The following PLG variants were observed in gnomAD, a reference collection of about 807,000 sequenced individuals.
PLG encodes plasminogen.
Under a neutral mutation model 104.4 loss-of-function variants are expected in PLG, and 41 were observed. That is an observed-to-expected ratio of 0.39 (90% CI 0.31 to 0.51). The LOEUF is 0.51. Among genes scored for constraint, PLG ranks in the 20% least tolerant of loss-of-function variants. The probability of loss-of-function intolerance (pLI) is 0.76; values close to 1 mark genes in which losing one functional copy is unlikely to be tolerated. For synonymous variants in PLG, 337 were observed against 357.1 expected (o/e 0.94, Z 0.63); for missense variants, 891 against 1,003.6 (o/e 0.89, Z 1.52).
rs1778123876 is a variant in PLG, at chr6:160,738,349, C to T, written c.1803-189C>T. ...ATCGGAAAAATTGGCATAGATGGGC[C>T]CTTCTCAAAAATCCCACTCCTGGAG... On this transcript the variant is annotated intron_variant, in intron 14 of 18. Coordinates refer to ENST00000308192, the MANE Select transcript of PLG (RefSeq NM_000301.5). This position sits in a 1 kb window ranked among gnomAD's most constrained non-coding sequence, Gnocchi z 6.8. 4.9e-6 allele frequency: 3 copies of T among 610,160 alleles called. No homozygotes were observed. In the African/African-American group the frequency reaches 5.4e-5, roughly 11 times the overall value. The allele number at this position is 610,160 out of a possible 1,614,324, so 37.8% of individuals were successfully genotyped here. A position where few individuals can be genotyped will look rare whatever the true frequency, so the allele number is the denominator to read the frequency against.
At chr6:160,746,850 G>A (rs1778285481) in intron 17 of PLG, among the ~76,000 whole-genome samples, 1 of 152,234 alleles carries the variant, frequency 6.6e-6, no homozygotes, top group Admixed American at 6.5e-5. Context: ...AGTGTGGTAT[G>A]TTAGCAAGGT....
rs1253652977 is a variant in PLG at position 160,736,282 on chromosome 6, C to T, written c.1682-605C>T. On this transcript the variant is annotated intron_variant, in intron 13 of 18. Coordinates refer to ENST00000308192, the MANE Select transcript of PLG (RefSeq NM_000301.5). This position sits in a 1 kb window ranked among gnomAD's most constrained non-coding sequence, Gnocchi z 5.2. ...CATATGTTTAAGTCACCCCCACGGCCGTTGGTTAGTCATGGGAGGCTCCCC... is the reference window on the plus strand; with the variant it reads ...CATATGTTTAAGTCACCCCCACGGCTGTTGGTTAGTCATGGGAGGCTCCCC... Among the ~76,000 whole-genome samples the T allele has an allele frequency of 6.6e-6, 1 of 152,118 alleles. No homozygotes were observed. The highest frequency in any genetic ancestry group is 2.4e-5 in the African/African-American group (1 of 41,412).
At position 160,732,788 on chromosome 6, in the gene PLG, G is replaced by A. The variant is rs918820003; in HGVS notation, c.1587+895G>A. The stretch of plus-strand genomic sequence containing the variant: ...GCACGGGGCAAGGCATGTGAGAAGG[G>A]GCTCAGAGTTTCCATGCCCTCTCCA... On this transcript the variant is annotated intron_variant, in intron 12 of 18. Transcript: ENST00000308192. This position sits in a 1 kb window ranked among gnomAD's most constrained non-coding sequence, Gnocchi z 4.5. Among the ~76,000 whole-genome samples, 1 of 152,116 alleles carries A rather than the reference G, an allele frequency of 6.6e-6. No homozygotes were observed.
intron 17 of PLG, among the ~76,000 whole-genome samples, chr6:160,749,035 A>G (rs767126931): frequency 1.3e-5 from 2 of 152,214 alleles, no homozygotes; most frequent in Non-Finnish European, 2.9e-5. Flanking sequence ...ATTATAGGAT[A>G]TAGTGTGATA....
chr6:160,711,091 T>C lies in PLG; in HGVS notation c.307T>C (p.Cys103Arg). The C allele has an allele frequency of 6.2e-7, 1 of 1,612,970 alleles. No homozygotes were observed. The highest frequency in any genetic ancestry group is 8.5e-7 in the Non-Finnish European group (1 of 1,179,004). ...CTTCCCTTCAGTGTATCTCTCAGAGTGCAAGACTGGGAATGGAAAGAACTA... is the reference window on the plus strand; with the variant it reads ...CTTCCCTTCAGTGTATCTCTCAGAGCGCAAGACTGGGAATGGAAAGAACTA... Reference protein sequence around the residue: ...LFEKKVYLSECKTGNGKNYRG... With the variant: ...LFEKKVYLSERKTGNGKNYRG... Residue 103 changes from cysteine to arginine, a missense_variant, in exon 4 of 19, where the codon TGC (cysteine) becomes CGC (arginine). Physicochemically the swap from Cys to Arg is radical, Grantham distance 180. Around this residue, in one of 2 missense-constraint regions of PLG, gnomAD observed 854 missense variants for 932.1 expected, o/e 0.92. Coordinates refer to ENST00000308192, the MANE Select transcript of PLG (RefSeq NM_000301.5).
At chr6:160,742,549 G>A (rs1326308513) in intron 17 of PLG, among the ~76,000 whole-genome samples, 1 of 151,558 alleles carries the variant, frequency 6.6e-6, no homozygotes, top group Admixed American at 6.6e-5. Context: ...CTGGATATTA[G>A]ACCTTTTTCA....
At position 160,740,514 on chromosome 6, in the gene PLG, T is replaced by G. The variant is rs1187692254; in HGVS notation, c.2019-797T>G. 6.6e-6 allele frequency among the ~76,000 whole-genome samples: 1 copy of G among 152,128 alleles called. No homozygotes were observed. On this transcript the variant is annotated intron_variant, in intron 16 of 18. Coordinates refer to ENST00000308192, the MANE Select transcript of PLG (RefSeq NM_000301.5). This position sits in a 1 kb window ranked among gnomAD's most constrained non-coding sequence, Gnocchi z 5.2. ...GCATTTAGTGCTCCACCAGGGAACC[T>G]GTAGAGTGAGGACGTCTGCATGACA...
intron 1 of PLG, among the ~76,000 whole-genome samples, chr6:160,702,667 C>T (rs1777440776): frequency 6.6e-6 from 1 of 152,248 alleles, no homozygotes; most frequent in Non-Finnish European, 1.5e-5. Flanking sequence ...CGGCTAAGCT[C>T]TTTGCCTGGT....
chr6:160,727,155 C>T (rs1428226304), intron 10 of PLG, among the ~76,000 whole-genome samples: 9 of 151,572 alleles, frequency 5.9e-5, no homozygotes, highest in Middle Eastern at 3.4e-3. Flanking sequence ...AGCAACTTTA[C>T]GTTAACAAAT....
chr6:160,747,672 G>A (rs573787871), intron 17 of PLG, among the ~76,000 whole-genome samples: 1 of 152,140 alleles, frequency 6.6e-6, no homozygotes, highest in Admixed American at 6.5e-5. Context: ...GAATGGTCTA[G>A]ATGATTTCAA....
Position 160,741,302 on chromosome 6 carries a change from T to C in PLG, c.2019-9T>C. The C allele has an allele frequency of 6.5e-7, 1 of 1,549,574 alleles. No homozygotes were observed. Among genetic ancestry groups the C allele is most frequent in the Non-Finnish European group, 8.9e-7 (1 of 1,121,238 alleles). On this transcript the variant is annotated splice_polypyrimidine_tract_variant and intron_variant, in intron 16 of 18. Transcript: ENST00000308192. This position sits in a 1 kb window ranked among gnomAD's most constrained non-coding sequence, Gnocchi z 4.7. ...CAGTCAAACATAACTGCTGATGCTT[T>C]TCTTTCAGTCCTGCCGTCATCACTG... is the stretch of plus-strand genomic sequence containing the variant.
intron 17 of PLG, among the ~76,000 whole-genome samples, chr6:160,747,519 A>G (rs1778296991): frequency 6.6e-6 from 1 of 152,090 alleles, no homozygotes; most frequent in Non-Finnish European, 1.5e-5. Context: ...TAGGCACGTT[A>G]CCTCTTTGTA....
Position 160,719,265 on chromosome 6 carries a change from T to C in PLG, c.1096+427T>C, listed in dbSNP as rs143556831. Among the ~76,000 whole-genome samples the C allele has an allele frequency of 6.7e-3, 1,016 of 152,352 alleles. 17 individuals are homozygous for C. The highest frequency in any genetic ancestry group is 0.045 in the South Asian group (217 of 4,830). On this transcript the variant is annotated intron_variant, in intron 9 of 18. Coordinates refer to ENST00000308192, the MANE Select transcript of PLG (RefSeq NM_000301.5). The surrounding 1 kb of genome is among the most constrained non-coding windows in gnomAD (Gnocchi z 4.1). ...TTTGTATATTTTGAAGCTCTTTTGT[T>C]AGGCACATATGTATTTAGGATGGTT... is the stretch of plus-strand genomic sequence containing the variant.
intron 12 of PLG, 37 bp from the exon 13 acceptor site, chr6:160,733,958 C>T: frequency 9.0e-7 from 1 of 1,105,408 alleles, no homozygotes. Context: ...TCTCCTGCCC[C>T]ACGTGAGCTG....
intron 1 of PLG, chr6:160,705,502 C>T (rs1457597243): frequency 6.6e-6 from 1 of 152,182 alleles, no homozygotes; most frequent in Non-Finnish European, 1.5e-5. Flanking sequence ...GACTTCTCCC[C>T]AATTAGTAGT....
intron 17 of PLG, among the ~76,000 whole-genome samples, chr6:160,749,132 G>A (rs1471497514): frequency 6.6e-6 from 1 of 152,214 alleles, no homozygotes; most frequent in Non-Finnish European, 1.5e-5. Flanking sequence ...AGATCTGTGT[G>A]TGAGTTCTGG....
chr6:160,733,614 C>G (rs1187054288), intron 12 of PLG, among the ~76,000 whole-genome samples: 2 of 151,964 alleles, frequency 1.3e-5, no homozygotes, highest in African/African-American at 4.8e-5. Flanking sequence ...CTGAGACAAG[C>G]AGATCACCTG....
At position 160,706,536 on chromosome 6, in the gene PLG, C is replaced by T; in HGVS notation, c.179C>T (p.Thr60Ile). The T allele has an allele frequency of 6.2e-7, 1 of 1,613,638 alleles. No individual in the cohort carries two copies. The highest frequency in any genetic ancestry group is 8.5e-7 in the Non-Finnish European group (1 of 1,179,676). ...AAATGTGAGGAGGACGAAGAATTCACCTGCAGGTATTTCCATTGTCGTTGC... is the reference window on the plus strand; with the variant it reads ...AAATGTGAGGAGGACGAAGAATTCATCTGCAGGTATTTCCATTGTCGTTGC... ...AAKCEEDEEFTCRAFQYHSKE... is the reference protein window; with the variant it reads ...AAKCEEDEEFICRAFQYHSKE... Residue 60 changes from threonine (T) to isoleucine (I), a missense_variant, in exon 2 of 19, where the codon ACC (threonine) becomes ATC (isoleucine). Thr to Ile is a moderately conservative substitution (Grantham distance 89, BLOSUM62 -1). Around this residue, in one of 2 missense-constraint regions of PLG, gnomAD observed 854 missense variants for 932.1 expected, o/e 0.92. Transcript: ENST00000308192.
Position 160,707,686 on chromosome 6 carries a change from G to A in PLG, c.186-14G>A, listed in dbSNP as rs1777555197. 4.4e-6 allele frequency: 7 copies of A among 1,585,902 alleles called. No individual in the cohort carries two copies. In the East Asian group the frequency reaches 1.6e-4, roughly 35 times the overall value. On this transcript the variant is annotated splice_polypyrimidine_tract_variant and intron_variant, in intron 2 of 18. Coordinates refer to ENST00000308192, the MANE Select transcript of PLG (RefSeq NM_000301.5). ...AAGAAAAATACTTATTGGATTTCCTGCTTCGTTCTGCAGGGCATTCCAATA... is the reference window on the plus strand; with the variant it reads ...AAGAAAAATACTTATTGGATTTCCTACTTCGTTCTGCAGGGCATTCCAATA...
Sources: allele counts gnomAD v4.1 joint callset (sites outside exome capture counted in the v4.1 genomes callset), GRCh38; gene constraint gnomAD v4.1.1; regional missense constraint gnomAD v4.1.1; non-coding constraint Gnocchi (gnomAD v3.1); transcripts MANE v1.5; gene names NCBI Gene and HGNC (gene_info 2026-07-23, HGNC 2026-07-21).